The following DGKB variants were observed in gnomAD, a reference collection of about 807,000 sequenced individuals.
The protein encoded by DGKB is diacylglycerol kinase beta, also known as 90 kDa diacylglycerol kinase.
DGKB carries 67 observed loss-of-function variants against 114.3 expected under a neutral mutation model. The observed-to-expected ratio is 0.59, with a 90% CI of 0.48 to 0.72. The LOEUF (loss-of-function observed/expected upper bound fraction) is 0.72, where lower values mean the gene tolerates loss of function less well. DGKB is among the 30% of genes least tolerant of loss of function. The probability of loss-of-function intolerance (pLI) is 0.00; values close to 1 mark genes in which losing one functional copy is unlikely to be tolerated. For missense variants in DGKB, 907 were observed against 975.2 expected (o/e 0.93, Z 0.93); for synonymous variants, 398 against 323.1 (o/e 1.23, Z -2.49).
rs2128138633 is a variant in DGKB at position 14,841,319 on chromosome 7, T to C, written c.-56A>G. 1.3e-6 allele frequency: 2 copies of C among 1,485,898 alleles called. No individual in the cohort carries two copies. Among genetic ancestry groups the C allele is most frequent in the South Asian group, 2.3e-5 (2 of 85,318 alleles). 92.0% of individuals were successfully genotyped at this position (1,485,898 alleles called of 1,614,324 possible). A position where few individuals can be genotyped will look rare whatever the true frequency, so the allele number is the denominator to read the frequency against. Reference sequence around the variant, plus strand: ...GGTAAAAGATTCTTTATTCAGGTGTTGCGCAGAGGTCTATGCTTCAAAGAT... The same window carrying C: ...GGTAAAAGATTCTTTATTCAGGTGTCGCGCAGAGGTCTATGCTTCAAAGAT... On this transcript the variant is annotated 5_prime_UTR_variant, in exon 2 of 26. Transcript: ENST00000402815.
intron 23 of DGKB, among the ~76,000 whole-genome samples, chr7:14,262,421 G>C (rs937308176): frequency 6.6e-6 from 1 of 152,132 alleles, no homozygotes; most frequent in Admixed American, 6.6e-5. Flanking sequence ...TACTTTGTGA[G>C]GACACAATGA....
Position 14,595,505 on chromosome 7 carries a change from T to C in DGKB, c.1433+11929A>G, listed in dbSNP as rs111944733. 5.0e-3 allele frequency among the ~76,000 whole-genome samples: 742 copies of C among 147,068 alleles called. 2 individuals are homozygous for C. The highest frequency in any genetic ancestry group is 0.018 in the African/African-American group (688 of 39,038). ...GGAGCAGGAGAGTGAATCCTGATTA[T>C]GTAGGGCCTGATGTTTATAAAAATT... On this transcript the variant is annotated intron_variant, in intron 17 of 25. Coordinates refer to ENST00000402815, the MANE Select transcript of DGKB (RefSeq NM_001350709.2).
chr7:14,478,305 AT>A (rs1782492278), intron 20 of DGKB, 80 bp from the exon 21 acceptor site: 2 of 853,012 alleles, frequency 2.3e-6, no homozygotes, highest in Non-Finnish European at 3.5e-6. Context: ...AAATAAAAAA[AT>A]AACATTTCAA....
At chr7:14,542,895 T>A (rs1793694352) in intron 20 of DGKB, among the ~76,000 whole-genome samples, 1 of 152,198 alleles carries the variant, frequency 6.6e-6, no homozygotes, top group African/African-American at 2.4e-5. Flanking sequence ...CCAGGGAGTG[T>A]TGCTTCAGCT....
chr7:14,235,487 A>G (rs1792615518), intron 23 of DGKB, among the ~76,000 whole-genome samples: 1 of 152,084 alleles, frequency 6.6e-6, no homozygotes, highest in Non-Finnish European at 1.5e-5. Flanking sequence ...ACAAGAGTGG[A>G]TATCAATTTT....
rs148709262 is a variant in DGKB, at chr7:14,825,152, C to T, written c.70+16042G>A. On this transcript the variant is annotated intron_variant, in intron 2 of 25. Transcript: ENST00000402815. ...TGAGTGGTGTGAAATGTCTGGCATG[C>T]AATTGGCTTGAATTGAGGAGCTGCC... is the stretch of plus-strand genomic sequence containing the variant. Among the ~76,000 whole-genome samples the T allele has an allele frequency of 2.0e-3, 294 of 150,166 alleles. 1 individual carries two copies. The highest frequency in any genetic ancestry group is 6.5e-3 in the African/African-American group (266 of 40,958).
chr7:14,603,338 T>G (rs1803909878), intron 17 of DGKB, among the ~76,000 whole-genome samples: 1 of 152,122 alleles, frequency 6.6e-6, no homozygotes, highest in Non-Finnish European at 1.5e-5. Flanking sequence ...ATTTTTGAAA[T>G]TTGCAACAGA....
chr7:14,571,603 C>A (rs1798391222), intron 20 of DGKB, among the ~76,000 whole-genome samples: 1 of 152,154 alleles, frequency 6.6e-6, no homozygotes, highest in Admixed American at 6.5e-5. Context: ...TACACAAATG[C>A]TCAGAAGAGA....
intron 2 of DGKB, among the ~76,000 whole-genome samples, chr7:14,797,656 T>C (rs547507823): frequency 2.6e-5 from 4 of 152,148 alleles, no homozygotes; most frequent in South Asian, 2.1e-4. Flanking sequence ...TTTTTTTTTT[T>C]CCTGAGGGCT....
intron 6 of DGKB, among the ~76,000 whole-genome samples, chr7:14,709,929 C>A (rs1827052370): frequency 7.1e-6 from 1 of 140,830 alleles, no homozygotes; most frequent in African/African-American, 2.7e-5. Context: ...AACTAACCTG[C>A]ACAATGTGCA....
At chr7:14,387,326 T>C (rs1311998263) in intron 21 of DGKB, among the ~76,000 whole-genome samples, 8 of 149,036 alleles carry the variant, frequency 5.4e-5, no homozygotes, top group Admixed American at 3.4e-4. Flanking sequence ...GGCAGGAGAA[T>C]TGCTTGAATC....
chr7:14,492,581 G>GGT (rs947630587), intron 20 of DGKB, among the ~76,000 whole-genome samples: 9 of 151,880 alleles, frequency 5.9e-5, no homozygotes, highest in Admixed American at 2.0e-4. Flanking sequence ...AGAATTAATG[G>GGT]GTATTAGATG....
chr7:14,458,536 A>G (rs1832624807), intron 21 of DGKB, among the ~76,000 whole-genome samples: 1 of 152,090 alleles, frequency 6.6e-6, no homozygotes, highest in African/African-American at 2.4e-5. Flanking sequence ...CAGTGGGTGC[A>G]GCCCACAGAG....
intron 21 of DGKB, among the ~76,000 whole-genome samples, chr7:14,472,860 G>A (rs1781616971): frequency 6.6e-6 from 1 of 152,126 alleles, no homozygotes; most frequent in African/African-American, 2.4e-5. Flanking sequence ...GAACTCAAGA[G>A]AGATGATTTA....
At chr7:14,753,654 T>G (rs1834438226) in intron 4 of DGKB, among the ~76,000 whole-genome samples, 1 of 152,068 alleles carries the variant, frequency 6.6e-6, no homozygotes, top group Non-Finnish European at 1.5e-5. Flanking sequence ...ATTAGAAAAA[T>G]AAATTCCAGA....
At chr7:14,200,818 G>C (rs1248948979) in intron 23 of DGKB, among the ~76,000 whole-genome samples, 1 of 152,044 alleles carries the variant, frequency 6.6e-6, no homozygotes, top group South Asian at 2.1e-4. Flanking sequence ...ATGGTTGGTG[G>C]TGGGGAGAGA....
intron 23 of DGKB, among the ~76,000 whole-genome samples, chr7:14,297,363 A>C (rs954139330): frequency 2.0e-5 from 3 of 152,216 alleles, no homozygotes; most frequent in African/African-American, 7.2e-5. Context: ...ACCACAGTCA[A>C]GTCAGTTGCA....
At chr7:14,420,758 A>T (rs1826535706) in intron 21 of DGKB, among the ~76,000 whole-genome samples, 1 of 152,090 alleles carries the variant, frequency 6.6e-6, no homozygotes, top group African/African-American at 2.4e-5. Flanking sequence ...GTTCAATTCA[A>T]ATATTAACTA....
chr7:14,616,081 A>C (rs1216267705), intron 15 of DGKB, among the ~76,000 whole-genome samples: 1 of 150,674 alleles, frequency 6.6e-6, no homozygotes, highest in Non-Finnish European at 1.5e-5. Context: ...AATGACTCTC[A>C]ATTAACTTTT....
Sources: gnomAD v4.1 joint callset for allele counts (sites outside exome capture counted in the v4.1 genomes callset) on GRCh38, gnomAD v4.1.1 for gene constraint, MANE v1.5 for transcripts, NCBI Gene and HGNC (gene_info 2026-07-23, HGNC 2026-07-21) for gene names.